PEAK1: variants seen among roughly 807,000 people sequenced by gnomAD.
PEAK1 encodes the protein pseudopodium enriched atypical kinase 1, also known as inactive tyrosine-protein kinase PEAK1.
A neutral mutation model predicts 124.7 loss-of-function variants in PEAK1; 54 were observed. The ratio of observed to expected loss-of-function variants is 0.43; its 90% CI spans 0.35 to 0.54. The LOEUF (loss-of-function observed/expected upper bound fraction) is 0.54, where lower values mean the gene tolerates loss of function less well. PEAK1 is among the 20% of genes least tolerant of loss of function. The pLI is 0.01. For synonymous variants in PEAK1, 719 were observed against 760.0 expected (o/e 0.95, Z 0.89); for missense variants, 2,046 against 2,134.5 (o/e 0.96, Z 0.82).
At chr15:77,118,023 G>C (rs2051552087) in intron 9 of PEAK1, among the ~76,000 whole-genome samples, 1 of 152,176 alleles carries the variant, frequency 6.6e-6, no homozygotes, top group African/African-American at 2.4e-5. Flanking sequence ...TTACGAAGAA[G>C]AAATGATAAA....
At chr15:77,377,958 C>T (rs2069162419) in intron 1 of PEAK1, among the ~76,000 whole-genome samples, 1 of 152,084 alleles carries the variant, frequency 6.6e-6, no homozygotes, top group African/African-American at 2.4e-5. Context: ...ACTTACTGAG[C>T]TTGGACATGT....
intron 3 of PEAK1, among the ~76,000 whole-genome samples, chr15:77,285,941 G>C (rs1012853007): frequency 6.6e-6 from 1 of 151,820 alleles, no homozygotes; most frequent in Admixed American, 6.6e-5. Flanking sequence ...TTTTAATTTC[G>C]ATGTTAGAGT....
intron 2 of PEAK1, chr15:77,355,960 A>C (rs2067492231): frequency 1.0e-6 from 1 of 979,516 alleles, no homozygotes; most frequent in Admixed American, 6.1e-5. Flanking sequence ...GACAAGAGGC[A>C]GTCCAGCAAA....
At position 77,384,619 on chromosome 15, in the gene PEAK1, G is replaced by C. The variant is rs528028903; in HGVS notation, c.-665-19394C>G. ...TGTGAGAGTGGTCCTTACTGTTGTGGTATTTCAAACCACTGCTTTCATTTT... is the reference window on the plus strand; with the variant it reads ...TGTGAGAGTGGTCCTTACTGTTGTGCTATTTCAAACCACTGCTTTCATTTT... On this transcript the variant is annotated intron_variant, in intron 1 of 9. Transcript: ENST00000682557. Among the ~76,000 whole-genome samples, 7 of 152,232 alleles carry C rather than the reference G, an allele frequency of 4.6e-5. No individual in the cohort carries two copies. The South Asian group carries it at 1.5e-3, about 32-fold the overall frequency.
At chr15:77,418,523 C>T in intron 1 of PEAK1, 3 of 985,114 alleles carry the variant, frequency 3.0e-6, no homozygotes, top group Non-Finnish European at 3.6e-6. Context: ...TTGTTCATCT[C>T]TGGGCTGAGG....
intron 1 of PEAK1, among the ~76,000 whole-genome samples, chr15:77,369,578 C>A (rs915291350): frequency 1.3e-5 from 2 of 151,966 alleles, no homozygotes; most frequent in African/African-American, 4.8e-5. Context: ...ATTTAAAGGG[C>A]CATAAACAAA....
At position 77,182,049 on chromosome 15, in the gene PEAK1, G is replaced by T; in HGVS notation, c.-114-9C>A. 1 of 1,390,210 alleles carries T rather than the reference G, an allele frequency of 7.2e-7. No individual in the cohort carries two copies. Among genetic ancestry groups the T allele is most frequent in the Admixed American group, 3.0e-5 (1 of 33,074 alleles). 86.1% of individuals were successfully genotyped at this position (1,390,210 alleles called of 1,614,324 possible). A position where few individuals can be genotyped will look rare whatever the true frequency, so the allele number is the denominator to read the frequency against. On this transcript the variant is annotated splice_polypyrimidine_tract_variant and intron_variant, in intron 6 of 9. Transcript: ENST00000682557. Reference sequence around the variant, plus strand: ...TTCTAAGAATGATCAATCTGTGGAGGGGAAAAGAAGACAAAAAATCTGAAT... The same window carrying T: ...TTCTAAGAATGATCAATCTGTGGAGTGGAAAAGAAGACAAAAAATCTGAAT...
intron 2 of PEAK1, among the ~76,000 whole-genome samples, chr15:77,291,704 G>A (rs757798911): frequency 1.3e-5 from 2 of 152,146 alleles, no homozygotes; most frequent in African/African-American, 2.4e-5. Flanking sequence ...ATGGCCAGGC[G>A]CGGTGGCTCA....
At chr15:77,327,861 T>A (rs1048183271) in intron 2 of PEAK1, among the ~76,000 whole-genome samples, 3 of 151,978 alleles carry the variant, frequency 2.0e-5, no homozygotes, top group Non-Finnish European at 4.4e-5. Context: ...TTTGAAGATT[T>A]AAGAATTAAT....
rs754879664 is a variant in PEAK1 at position 77,179,608 on chromosome 15, T to C, written c.2319A>G (p.Ser773=). The part of the protein sequence containing the change: ...ASTVLSQIVA[S]IQPPQSPPET... ...CTGGAGGAGACTGTGGGGGTTGGAT[T>C]GAAGCCACAATCTGAGAAAGCACTG... Residue 773 remains serine, a synonymous_variant, in exon 7 of 10, where the codon TCA becomes TCG. Transcript: ENST00000682557. The C allele has an allele frequency of 6.2e-7, 1 of 1,614,088 alleles. No homozygotes were observed.
chr15:77,403,683 T>C (rs896042544), intron 1 of PEAK1: 46 of 901,810 alleles, frequency 5.1e-5, no homozygotes, highest in Non-Finnish European at 5.6e-5. Context: ...TTCATCTCAT[T>C]TGACAATCAA....
intron 5 of PEAK1, among the ~76,000 whole-genome samples, chr15:77,265,652 T>C (rs2061683180): frequency 6.6e-6 from 1 of 151,964 alleles, no homozygotes; most frequent in Non-Finnish European, 1.5e-5. Context: ...TTTTACACTG[T>C]TGGTGGGACT....
At chr15:77,220,526 A>G (rs1277266479) in intron 6 of PEAK1, among the ~76,000 whole-genome samples, 9 of 151,776 alleles carry the variant, frequency 5.9e-5, no homozygotes, top group Non-Finnish European at 8.8e-5. Flanking sequence ...AATTCAAAAA[A>G]AAAAAAAAAA....
chr15:77,335,198 G>A (rs1031482055), intron 2 of PEAK1: 23 of 985,294 alleles, frequency 2.3e-5, no homozygotes, highest in Admixed American at 6.1e-5. Flanking sequence ...CCCAACTTAA[G>A]AGTCCTCTCT....
Position 77,133,400 on chromosome 15 carries a change from C to T in PEAK1, c.3682G>A (p.Val1228Ile). ...LERPLRKERP[V>I]PSAANSISSL... ...GAAATGCTGTTTGCTGCTGAGGGGACAGGTCTCTCCTTGCGCAAAGGCCTT... is the reference window on the plus strand; with the variant it reads ...GAAATGCTGTTTGCTGCTGAGGGGATAGGTCTCTCCTTGCGCAAAGGCCTT... The change falls in exon 9 of 10, where the codon GTC becomes ATC. Residue 1228 changes from valine to isoleucine, a missense_variant. Coordinates refer to ENST00000682557, the MANE Select transcript of PEAK1 (RefSeq NM_001385026.1). The surrounding 1 kb of genome is among the most constrained non-coding windows in gnomAD (Gnocchi z 4.2). The T allele has an allele frequency of 1.1e-5, 18 of 1,614,210 alleles. No individual in the cohort carries two copies. The highest frequency in any genetic ancestry group is 1.5e-5 in the Non-Finnish European group (18 of 1,180,040).
At chr15:77,201,283 G>C (rs573876934) in intron 6 of PEAK1, among the ~76,000 whole-genome samples, 16 of 135,514 alleles carry the variant, frequency 1.2e-4, no homozygotes, top group African/African-American at 3.5e-4. Context: ...TGTCACCCAG[G>C]CTGGAGTGCA....
intron 2 of PEAK1, among the ~76,000 whole-genome samples, chr15:77,357,851 T>C (rs534834328): frequency 6.6e-6 from 1 of 152,214 alleles, no homozygotes; most frequent in South Asian, 2.1e-4. Context: ...CTCGAAAACT[T>C]TTTCTATTTC....
intron 1 of PEAK1, among the ~76,000 whole-genome samples, chr15:77,366,323 A>C (rs1285675430): frequency 6.6e-6 from 1 of 152,178 alleles, no homozygotes; most frequent in African/African-American, 2.4e-5. Context: ...GTCTCTGAAG[A>C]GAAAAAAACA....
chr15:77,389,805 A>G (rs1350392755), intron 1 of PEAK1, among the ~76,000 whole-genome samples: 1 of 152,156 alleles, frequency 6.6e-6, no homozygotes, highest in African/African-American at 2.4e-5. Context: ...TGTATACCCT[A>G]GAAGGTAGTA....
Sources: gnomAD v4.1 joint callset for allele counts (sites outside exome capture counted in the v4.1 genomes callset) on GRCh38, gnomAD v4.1.1 for gene constraint, Gnocchi (gnomAD v3.1) non-coding constraint, MANE v1.5 for transcripts, NCBI Gene and HGNC (gene_info 2026-07-23, HGNC 2026-07-21) for gene names.